The following LARP4B variants were observed in gnomAD, a reference collection of about 807,000 sequenced individuals.
LARP4B encodes the protein la-related protein 4B.
In LARP4B, 12 loss-of-function variants were observed where a neutral mutation model predicts 89.8. That is an observed-to-expected ratio of 0.13 (90% CI 0.09 to 0.22). The LOEUF (loss-of-function observed/expected upper bound fraction) is 0.22, where lower values mean the gene tolerates loss of function less well. Ranked by LOEUF, LARP4B falls within the 10% of genes least tolerant of loss-of-function variation. The pLI, the probability that LARP4B is intolerant of heterozygous loss-of-function variation, is 1.00. For missense variants in LARP4B, 757 were observed against 947.7 expected (o/e 0.80, Z 2.64); for synonymous variants, 367 against 363.3 (o/e 1.01, Z -0.12).
intron 1 of LARP4B, among the ~76,000 whole-genome samples, chr10:897,865 A>G (rs1836232140): frequency 6.6e-6 from 1 of 151,716 alleles, no homozygotes; most frequent in Non-Finnish European, 1.5e-5. Flanking sequence ...GTGGGCGCCT[A>G]TAATCTCAGT....
At chr10:895,759 T>A (rs754262720) in intron 1 of LARP4B, among the ~76,000 whole-genome samples, 44 of 151,608 alleles carry the variant, frequency 2.9e-4, no homozygotes, top group Non-Finnish European at 5.6e-4. Context: ...CATAAAGATT[T>A]AAAAAAAAGA....
chr10:938,031 C>T, the LARP4B span, among the ~76,000 whole-genome samples: 4 of 150,936 alleles, frequency 2.7e-5, no homozygotes, highest in Admixed American at 6.6e-5. Context: ...ACTACAGGCA[C>T]GCACCACCAC....
chr10:909,226 G>A (rs1836593756), intron 1 of LARP4B, among the ~76,000 whole-genome samples: 1 of 150,834 alleles, frequency 6.6e-6, no homozygotes, highest in Non-Finnish European at 1.5e-5. Flanking sequence ...CCCGGGAGGT[G>A]GAGCTTGCGG....
intron 7 of LARP4B, among the ~76,000 whole-genome samples, chr10:837,306 C>T (rs564940625): frequency 2.0e-5 from 3 of 152,282 alleles, no homozygotes; most frequent in South Asian, 2.1e-4. Context: ...AACTGCAAAA[C>T]ACTGCCAAAA....
chr10:908,259 G>GAC (rs1308213947), intron 1 of LARP4B, among the ~76,000 whole-genome samples: 1 of 152,144 alleles, frequency 6.6e-6, no homozygotes, highest in Non-Finnish European at 1.5e-5. Context: ...CCAGATAGCT[G>GAC]AACACATGGA....
the LARP4B span, among the ~76,000 whole-genome samples, chr10:946,901 C>T: frequency 6.6e-6 from 1 of 152,066 alleles, no homozygotes; most frequent in African/African-American, 2.4e-5. Flanking sequence ...CAGAGTCTTG[C>T]TCTGTTGCTC....
At position 814,744 on chromosome 10, in the gene LARP4B, T is replaced by G. The variant is rs2131594507; in HGVS notation, c.1927A>C (p.Thr643Pro). The G allele has an allele frequency of 6.3e-7, 1 of 1,589,306 alleles. No homozygotes were observed. Among genetic ancestry groups the G allele is most frequent in the East Asian group, 2.3e-5 (1 of 43,246 alleles). Residue 643 changes from threonine to proline, a missense_variant and splice_region_variant, in exon 17 of 18, where the codon ACG (threonine) becomes CCG (proline). This residue lies in a region of LARP4B where 387 missense variants were observed against 423.6 expected (regional missense o/e 0.91). Transcript: ENST00000316157. This position sits in a 1 kb window ranked among gnomAD's most constrained non-coding sequence, Gnocchi z 4.4. Reference sequence around the variant, plus strand: ...GAAGGCAGGCACGAGGTACGTACCGTGGCGGCTCCGTTCACCTGCACCGAT... The same window carrying G: ...GAAGGCAGGCACGAGGTACGTACCGGGGCGGCTCCGTTCACCTGCACCGAT... ...CKSVQVNGAA[T>P]ELRKPSYAEI...
chr10:928,262 A>C (rs1837207450), intron 1 of LARP4B, among the ~76,000 whole-genome samples: 1 of 152,078 alleles, frequency 6.6e-6, no homozygotes, highest in Admixed American at 6.6e-5. Flanking sequence ...CTTTAACACT[A>C]GGATAAAAAC....
At chr10:972,627 T>C in the LARP4B span, 2 of 457,388 alleles carry the variant, frequency 4.4e-6, no homozygotes, top group East Asian at 6.9e-5. Context: ...CAAGCAATCA[T>C]GAAACATTCC....
chr10:810,461 C>G lies in LARP4B; in HGVS notation c.*2465G>C, dbSNP rs759451125. On this transcript the variant is annotated 3_prime_UTR_variant, in exon 18 of 18. Coordinates refer to ENST00000316157, the MANE Select transcript of LARP4B (RefSeq NM_015155.3). ...TGTATTGACCGGAGGGCAGCAGAGC[C>G]CTCCAGTGGCGACTGGCTAATGCAC... The G allele has an allele frequency of 1.7e-4, 26 of 152,230 alleles. No homozygotes were observed. The highest frequency in any genetic ancestry group is 3.4e-4 in the Non-Finnish European group (23 of 68,048). The allele number at this position is 152,230 out of a possible 1,614,324, so 9.4% of individuals were successfully genotyped here.
At chr10:839,887 C>T (rs1046616382) in intron 7 of LARP4B, among the ~76,000 whole-genome samples, 1 of 152,184 alleles carries the variant, frequency 6.6e-6, no homozygotes, top group African/African-American at 2.4e-5. Context: ...CCGGCAATAA[C>T]CTAAATGTCT....
At chr10:983,039 G>C in the LARP4B span, among the ~76,000 whole-genome samples, 2 of 152,220 alleles carry the variant, frequency 1.3e-5, no homozygotes, top group Non-Finnish European at 2.9e-5. Flanking sequence ...GAACAGAAGA[G>C]GGGTTATTAC....
chr10:889,908 T>C (rs1835967546), intron 1 of LARP4B, among the ~76,000 whole-genome samples: 1 of 152,142 alleles, frequency 6.6e-6, no homozygotes, highest in African/African-American at 2.4e-5. Context: ...CCCCTAAACA[T>C]ACTCTAGCCT....
At chr10:983,881 A>G in the LARP4B span, among the ~76,000 whole-genome samples, 1 of 152,234 alleles carries the variant, frequency 6.6e-6, no homozygotes. Context: ...CTGATAGTGA[A>G]TACTATTATT....
chr10:867,358 G>A (rs1834953943), intron 3 of LARP4B, among the ~76,000 whole-genome samples: 1 of 152,134 alleles, frequency 6.6e-6, no homozygotes, highest in Non-Finnish European at 1.5e-5. Context: ...GGCAGAGAAA[G>A]GTAGAGTAAC....
intron 1 of LARP4B, among the ~76,000 whole-genome samples, chr10:888,878 G>C (rs749481464): frequency 6.6e-5 from 10 of 152,220 alleles, no homozygotes; most frequent in Non-Finnish European, 1.5e-4. Context: ...TTGAGCCCAA[G>C]AGTTGGAGAC....
At chr10:859,373 C>T (rs1469688040) in intron 5 of LARP4B, among the ~76,000 whole-genome samples, 1 of 151,774 alleles carries the variant, frequency 6.6e-6, no homozygotes, top group Admixed American at 6.6e-5. Context: ...AATACTATGG[C>T]CTGTATGGAA....
intron 1 of LARP4B, 120 bp downstream of exon 1, chr10:931,308 G>T: frequency 6.6e-6 from 1 of 151,502 alleles, no homozygotes; most frequent in Non-Finnish European, 1.5e-5. Flanking sequence ...CCCGGCCCAG[G>T]CCCGGCCCTG....
the LARP4B span, among the ~76,000 whole-genome samples, chr10:962,927 C>T: frequency 6.6e-6 from 1 of 152,136 alleles, no homozygotes; most frequent in Non-Finnish European, 1.5e-5. Flanking sequence ...CACCTGAACT[C>T]CGGACGCAGC....
Sources: gnomAD v4.1 joint callset for allele counts (sites outside exome capture counted in the v4.1 genomes callset) on GRCh38, gnomAD v4.1.1 for gene constraint, gnomAD v4.1.1 regional missense constraint, Gnocchi (gnomAD v3.1) non-coding constraint, MANE v1.5 for transcripts, NCBI Gene and HGNC (gene_info 2026-07-23, HGNC 2026-07-21) for gene names.